GALNT13: variants seen among roughly 807,000 people sequenced by gnomAD.
GALNT13 encodes the protein UDP-GalNAc:polypeptide N-acetylgalactosaminyltransferase 13.
Under a neutral mutation model 64.2 loss-of-function variants are expected in GALNT13, and 28 were observed. The ratio of observed to expected loss-of-function variants is 0.44; its 90% CI spans 0.32 to 0.60. The LOEUF (loss-of-function observed/expected upper bound fraction) is 0.60. Ranked by LOEUF, GALNT13 falls within the 20% of genes least tolerant of loss-of-function variation. GALNT13 has a pLI of 0.05. For missense variants in GALNT13, 577 were observed against 669.8 expected (o/e 0.86, Z 1.53); for synonymous variants, 214 against 224.6 (o/e 0.95, Z 0.42).
At chr2:153,252,705 T>A in the GALNT13 span, among the ~76,000 whole-genome samples, 1 of 152,204 alleles carries the variant, frequency 6.6e-6, no homozygotes, top group East Asian at 1.9e-4. Context: ...GCCAGTTTTC[T>A]CAGCACCATT....
At chr2:153,198,360 A>G in the GALNT13 span, among the ~76,000 whole-genome samples, 1 of 152,162 alleles carries the variant, frequency 6.6e-6, no homozygotes, top group African/African-American at 2.4e-5. Flanking sequence ...TGAGGTGAGA[A>G]TGTAGGCCAC....
At chr2:153,420,181 G>T in the GALNT13 span, among the ~76,000 whole-genome samples, 267 of 152,146 alleles carry the variant, frequency 1.8e-3, 5 homozygotes, top group East Asian at 0.047. Context: ...TAAAGAACAG[G>T]TATACAGGAC....
intron 4 of GALNT13, among the ~76,000 whole-genome samples, chr2:154,185,845 T>C (rs928273378): frequency 2.0e-5 from 3 of 152,094 alleles, no homozygotes; most frequent in Non-Finnish European, 2.9e-5. Context: ...AGGTACTTTC[T>C]ATACTCTGCC....
intron 1 of GALNT13, among the ~76,000 whole-genome samples, chr2:153,893,303 T>G (rs2105272738): frequency 6.6e-6 from 1 of 152,250 alleles, no homozygotes; most frequent in Admixed American, 6.5e-5. Context: ...TCCAGCTCTT[T>G]TAATGTTGAA....
chr2:153,567,418 A>T, the GALNT13 span, among the ~76,000 whole-genome samples: 2 of 152,236 alleles, frequency 1.3e-5, no homozygotes, highest in Non-Finnish European at 2.9e-5. Context: ...AGCCATTAGC[A>T]TTGGTAGAAG....
At chr2:153,817,056 G>T in the GALNT13 span, among the ~76,000 whole-genome samples, 2 of 152,150 alleles carry the variant, frequency 1.3e-5, no homozygotes, top group East Asian at 1.9e-4. Context: ...ATGTAATAAG[G>T]TTTGGCAGAA....
chr2:154,156,163 G>A (rs1435016993), intron 4 of GALNT13, among the ~76,000 whole-genome samples: 1 of 151,860 alleles, frequency 6.6e-6, no homozygotes, highest in Non-Finnish European at 1.5e-5. Context: ...AATTTTCTAA[G>A]ATAGTGTTCT....
chr2:153,994,995 A>G (rs932152550), intron 3 of GALNT13, among the ~76,000 whole-genome samples: 3 of 152,094 alleles, frequency 2.0e-5, no homozygotes, highest in African/African-American at 7.2e-5. Context: ...AAGTGTCTAT[A>G]CTAATGTAAG....
At chr2:154,237,401 T>G (rs1689248696) in intron 4 of GALNT13, among the ~76,000 whole-genome samples, 1 of 146,620 alleles carries the variant, frequency 6.8e-6, no homozygotes, top group African/African-American at 2.7e-5. Context: ...TTCTATCTAT[T>G]TGTTTTGTTT....
chr2:153,420,903 A>T, the GALNT13 span: 1 of 213,264 alleles, frequency 4.7e-6, no homozygotes, highest in South Asian at 7.2e-5. Flanking sequence ...AGCTCTCTTT[A>T]TGTTGGCCAG....
At chr2:153,811,966 T>A in the GALNT13 span, among the ~76,000 whole-genome samples, 1 of 152,250 alleles carries the variant, frequency 6.6e-6, no homozygotes, top group Non-Finnish European at 1.5e-5. Flanking sequence ...TTACTCTTAC[T>A]GATGCAGTTT....
At chr2:153,630,193 G>A in the GALNT13 span, among the ~76,000 whole-genome samples, 6 of 152,002 alleles carry the variant, frequency 3.9e-5, no homozygotes, top group East Asian at 1.9e-4. Context: ...AAAGACACAT[G>A]CACACGTATG....
the GALNT13 span, among the ~76,000 whole-genome samples, chr2:153,863,654 AAC>A: frequency 6.6e-6 from 1 of 152,152 alleles, no homozygotes; most frequent in African/African-American, 2.4e-5. Context: ...TAAACATGAA[AAC>A]AGTTTTGCCA....
intron 3 of GALNT13, among the ~76,000 whole-genome samples, chr2:154,138,865 T>C (rs1454484277): frequency 6.6e-6 from 1 of 152,130 alleles, no homozygotes; most frequent in Non-Finnish European, 1.5e-5. Context: ...ATTGGAATTT[T>C]ATTTCTTAAA....
At chr2:153,342,882 T>G in the GALNT13 span, among the ~76,000 whole-genome samples, 27 of 152,182 alleles carry the variant, frequency 1.8e-4, no homozygotes, top group African/African-American at 5.5e-4. Context: ...AGACTGTAAA[T>G]ATTTTAAACA....
chr2:153,619,816 T>C, the GALNT13 span, among the ~76,000 whole-genome samples: 63 of 152,222 alleles, frequency 4.1e-4, no homozygotes, highest in Middle Eastern at 3.4e-3. Context: ...TTGCCAAACA[T>C]TTTGGATCTC....
chr2:153,844,352 C>T, the GALNT13 span, among the ~76,000 whole-genome samples: 44,451 of 151,026 alleles, frequency 0.29, 7,090 homozygotes, highest in Middle Eastern at 0.43. Context: ...AGTGGCAGTT[C>T]GAGCTGTACC....
the GALNT13 span, among the ~76,000 whole-genome samples, chr2:153,657,382 G>C: frequency 6.6e-6 from 1 of 152,044 alleles, no homozygotes; most frequent in Admixed American, 6.6e-5. Flanking sequence ...TGCAATAGAT[G>C]GTAGAAATAA....
chr2:154,019,627 CACACACACACACACACACACACACACAA>C (rs1697284638), intron 3 of GALNT13, among the ~76,000 whole-genome samples: 4 of 148,390 alleles, frequency 2.7e-5, no homozygotes, highest in Admixed American at 1.4e-4. Context: ...CACACACACA[CACACACACACACACACACACACACACAA>C]AAGCAAGAAA....
Sources: allele counts gnomAD v4.1 joint callset (sites outside exome capture counted in the v4.1 genomes callset), GRCh38; gene constraint gnomAD v4.1.1; transcripts MANE v1.5; gene names NCBI Gene and HGNC (gene_info 2026-07-23, HGNC 2026-07-21).